LAMA3: variants seen among roughly 807,000 people sequenced by gnomAD.
The protein encoded by LAMA3 is laminin subunit alpha-3.
LAMA3 carries 281 observed loss-of-function variants against 402.0 expected under a neutral mutation model. That is an observed-to-expected ratio of 0.70 (90% confidence interval 0.63 to 0.77). LAMA3 has a LOEUF of 0.77. Ranked by LOEUF, LAMA3 falls within the 30% of genes least tolerant of loss-of-function variation. The probability of loss-of-function intolerance (pLI) is 0.00; values close to 1 mark genes in which losing one functional copy is unlikely to be tolerated. For missense variants in LAMA3, 3,840 were observed against 4,215.5 expected (o/e 0.91, Z 2.47); for synonymous variants, 1,431 against 1,558.4 (o/e 0.92, Z 1.93).
At chr18:23,717,170 T>C (rs1284888811) in intron 2 of LAMA3, among the ~76,000 whole-genome samples, 1 of 152,196 alleles carries the variant, frequency 6.6e-6, no homozygotes, top group Non-Finnish European at 1.5e-5. Context: ...TTAACAAGCA[T>C]GTTGTGTCTT....
chr18:23,837,854 A>G (rs971022350), intron 25 of LAMA3, among the ~76,000 whole-genome samples: 2 of 152,074 alleles, frequency 1.3e-5, no homozygotes, highest in African/African-American at 4.8e-5. Context: ...TGTGTTTTAA[A>G]TATTTGTGCC....
At chr18:23,785,457 C>T (rs76879489) in intron 12 of LAMA3, among the ~76,000 whole-genome samples, 11,373 of 152,234 alleles carry the variant, frequency 0.075, 599 homozygotes, top group Middle Eastern at 0.12. Context: ...TTACTTAACC[C>T]CTCTGTTCCT....
intron 68 of LAMA3, among the ~76,000 whole-genome samples, chr18:23,940,987 A>G (rs1217386146): frequency 2.1e-5 from 3 of 145,034 alleles, no homozygotes; most frequent in African/African-American, 7.7e-5. Flanking sequence ...CCCAGGCTGG[A>G]GTACAGTGGT....
chr18:23,889,521 C>G (rs2145002442), intron 41 of LAMA3, among the ~76,000 whole-genome samples: 1 of 150,904 alleles, frequency 6.6e-6, no homozygotes, highest in African/African-American at 2.4e-5. Flanking sequence ...GTGATTGTGC[C>G]ATTGTACTCC....
intron 14 of LAMA3, 127 bp downstream of exon 14, chr18:23,813,230 A>C (rs1005623828): frequency 2.9e-5 from 20 of 679,748 alleles, no homozygotes; most frequent in Non-Finnish European, 5.2e-5. Flanking sequence ...TAAAGAGGTC[A>C]TTGTTGTTTT....
rs749358420 is a variant in LAMA3, at chr18:23,943,773, C to T, written c.9027-15C>T. ...GAACACCTCTATTTCCCTTCATCGC[C>T]GATGTTCCCAACAGGTCACAGTTTG... On this transcript the variant is annotated splice_polypyrimidine_tract_variant and intron_variant, in intron 68 of 74. Coordinates refer to ENST00000313654, the MANE Select transcript of LAMA3 (RefSeq NM_198129.4). 1.7e-5 allele frequency: 28 copies of T among 1,613,400 alleles called. No homozygotes were observed. The highest frequency in any genetic ancestry group is 3.3e-5 in the Admixed American group (2 of 60,002).
chr18:23,789,068 A>G (rs577192585), intron 12 of LAMA3, among the ~76,000 whole-genome samples: 2 of 152,180 alleles, frequency 1.3e-5, no homozygotes, highest in Admixed American at 1.3e-4. Context: ...ACAAATGGCC[A>G]ACTGGTATAT....
At position 23,954,860 on chromosome 18, in the gene LAMA3, T is replaced by TA. The variant is rs2083058603; in HGVS notation, c.*219dup. 3.5e-6 allele frequency: 2 copies of TA among 577,936 alleles called. No individual in the cohort carries two copies. The highest frequency in any genetic ancestry group is 2.1e-5 in the South Asian group (1 of 48,634). 35.8% of individuals were successfully genotyped at this position (577,936 alleles called of 1,614,324 possible). Reference sequence around the variant, plus strand: ...ATATAAAAATCCCATTTCTTGAAGATAAAAAAATTGTTATTCAAATTGTTA... The same window carrying TA: ...ATATAAAAATCCCATTTCTTGAAGATAAAAAAAATTGTTATTCAAATTGTTA... On this transcript the variant is annotated 3_prime_UTR_variant, in exon 75 of 75. Transcript: ENST00000313654.
intron 12 of LAMA3, among the ~76,000 whole-genome samples, chr18:23,786,300 C>G (rs2062544442): frequency 6.6e-6 from 1 of 152,162 alleles, no homozygotes. Flanking sequence ...CAGTTTGGGG[C>G]TATGGTTTGT....
At chr18:23,705,649 C>T (rs1426069334) in intron 1 of LAMA3, among the ~76,000 whole-genome samples, 1 of 152,200 alleles carries the variant, frequency 6.6e-6, no homozygotes, top group Non-Finnish European at 1.5e-5. Context: ...CTCAGCTTCC[C>T]AAGTAGCTGG....
At chr18:23,877,871 G>A (rs1019357954) in intron 39 of LAMA3, among the ~76,000 whole-genome samples, 7 of 152,156 alleles carry the variant, frequency 4.6e-5, no homozygotes, top group African/African-American at 1.7e-4. Context: ...CAGCACTTTG[G>A]GAGGCTGAGG....
intron 1 of LAMA3, chr18:23,709,723 A>G: frequency 2.2e-6 from 1 of 460,210 alleles, no homozygotes. Context: ...TCCATCTGAG[A>G]AGTCCCATGG....
intron 12 of LAMA3, among the ~76,000 whole-genome samples, chr18:23,791,134 C>T (rs1042245010): frequency 1.3e-4 from 20 of 152,146 alleles, no homozygotes; most frequent in African/African-American, 4.8e-4. Context: ...CCTCAGCCTC[C>T]CAAAGTGCTG....
intron 2 of LAMA3, among the ~76,000 whole-genome samples, chr18:23,726,829 G>T (rs1014844272): frequency 1.3e-5 from 2 of 152,116 alleles, no homozygotes; most frequent in African/African-American, 4.8e-5. Context: ...TGTTGGCAAG[G>T]CTGGTCTTGA....
Position 23,846,630 on chromosome 18 carries a change from G to A in LAMA3, c.3931+122G>A, listed in dbSNP as rs573136436. 8 of 944,558 alleles carry A rather than the reference G, an allele frequency of 8.5e-6. No homozygotes were observed. The East Asian group carries it at 1.8e-4, about 22-fold the overall frequency. 58.5% of individuals were successfully genotyped at this position (944,558 alleles called of 1,614,324 possible). Reference sequence around the variant, plus strand: ...TCACCTGGAGATCTGGAGAAATGCAGATTCTGATTCAGGAGACTGGGCTGG... The same window carrying A: ...TCACCTGGAGATCTGGAGAAATGCAAATTCTGATTCAGGAGACTGGGCTGG... On this transcript the variant is annotated intron_variant, in intron 31 of 74. Coordinates refer to ENST00000313654, the MANE Select transcript of LAMA3 (RefSeq NM_198129.4).
At chr18:23,824,396 T>G (rs1221270668) in intron 20 of LAMA3, 27 bp from the exon 21 acceptor site, 3 of 1,613,450 alleles carry the variant, frequency 1.9e-6, no homozygotes, top group Non-Finnish European at 2.5e-6. Flanking sequence ...GAAAAATGCC[T>G]TAAGCAGTTC....
Position 23,894,892 on chromosome 18 carries a change from T to C in LAMA3, c.5462-15T>C, listed in dbSNP as rs372994828. The C allele has an allele frequency of 4.2e-5, 68 of 1,614,004 alleles. No homozygotes were observed. The highest frequency in any genetic ancestry group is 5.5e-5 in the Non-Finnish European group (65 of 1,180,012). On this transcript the variant is annotated splice_polypyrimidine_tract_variant and intron_variant, in intron 43 of 74. Coordinates refer to ENST00000313654, the MANE Select transcript of LAMA3 (RefSeq NM_198129.4). ...CCCCCCACAGCACATTTGCCTTTGA[T>C]TGTGGCCCCTACAGATTGCGACAGC...
At position 23,870,870 on chromosome 18, in the gene LAMA3, C is replaced by T. The variant is rs575520257; in HGVS notation, c.4768-561C>T. Among the ~76,000 whole-genome samples the T allele has an allele frequency of 2.6e-5, 4 of 152,246 alleles. No homozygotes were observed. In the East Asian group the frequency reaches 5.8e-4, roughly 22 times the overall value. Reference sequence around the variant, plus strand: ...ATTGTTCAATGGGTATGGAGTTTCCCTTTTGCAAGCTGGTAAGTTCTAGAG... The same window carrying T: ...ATTGTTCAATGGGTATGGAGTTTCCTTTTTGCAAGCTGGTAAGTTCTAGAG... On this transcript the variant is annotated intron_variant, in intron 37 of 74. Coordinates refer to ENST00000313654, the MANE Select transcript of LAMA3 (RefSeq NM_198129.4).
In LAMA3 at chr18:23,753,712, G is replaced by A. The variant is rs367562119; in HGVS notation, c.856-9G>A. 2 of 1,606,412 alleles carry A rather than the reference G, an allele frequency of 1.2e-6. No homozygotes were observed. The highest frequency in any genetic ancestry group is 2.7e-5 in the African/African-American group (2 of 74,764). On this transcript the variant is annotated splice_polypyrimidine_tract_variant and intron_variant, in intron 5 of 74. Coordinates refer to ENST00000313654, the MANE Select transcript of LAMA3 (RefSeq NM_198129.4). ...GTGAAACTTGCATGTTCTGTGTTCT[G>A]TTGTGCAGTATTATTACAGCATAAA...
Sources: gnomAD v4.1 joint callset for allele counts (sites outside exome capture counted in the v4.1 genomes callset) on GRCh38, gnomAD v4.1.1 for gene constraint, MANE v1.5 for transcripts, NCBI Gene and HGNC (gene_info 2026-07-23, HGNC 2026-07-21) for gene names.